The following GSTCD variants were observed in gnomAD, a reference collection of about 807,000 sequenced individuals.
GSTCD encodes glutathione S-transferase C-terminal domain containing.
GSTCD carries 44 observed loss-of-function variants against 68.3 expected under a neutral mutation model. The ratio of observed to expected loss-of-function variants is 0.64; its 90% CI spans 0.51 to 0.83. The LOEUF is 0.83. Among genes scored for constraint, GSTCD ranks in the 40% least tolerant of loss-of-function variants. GSTCD has a pLI of 0.00. For missense variants in GSTCD, 739 were observed against 735.9 expected, an observed-to-expected ratio of 1.00 and a Z score of -0.05; for synonymous variants, 273 against 255.2, an observed-to-expected ratio of 1.07 and a Z score of -0.67.
At chr4:105,819,028 T>C (rs1009682540) in intron 5 of GSTCD, among the ~76,000 whole-genome samples, 1 of 151,734 alleles carries the variant, frequency 6.6e-6, no homozygotes, top group Non-Finnish European at 1.5e-5. Flanking sequence ...AAATTAACAG[T>C]GCTGTCTATT....
intron 5 of GSTCD, among the ~76,000 whole-genome samples, chr4:105,809,031 A>G (rs1722645362): frequency 1.3e-5 from 2 of 152,120 alleles, no homozygotes; most frequent in South Asian, 4.1e-4. Context: ...TATAAAGTGC[A>G]AGCATTAAGT....
chr4:105,725,934 GTGGGAATTGTAAAA>G (rs1295784482), intron 3 of GSTCD, among the ~76,000 whole-genome samples: 1 of 152,112 alleles, frequency 6.6e-6, no homozygotes, highest in African/African-American at 2.4e-5. Flanking sequence ...TGGATTGCTA[GTGGGAATTGTAAAA>G]TGGAAGGGCA....
chr4:105,766,006 A>C (rs541619593), intron 5 of GSTCD, among the ~76,000 whole-genome samples: 7 of 152,336 alleles, frequency 4.6e-5, no homozygotes, highest in South Asian at 2.1e-4. Context: ...AGAACAGATT[A>C]ATACAGTCCC....
At chr4:105,811,348 A>G (rs1722740946) in intron 5 of GSTCD, among the ~76,000 whole-genome samples, 1 of 152,004 alleles carries the variant, frequency 6.6e-6, no homozygotes, top group African/African-American at 2.4e-5. Flanking sequence ...AGTAAACTGC[A>G]TGTTTAAAAC....
intron 7 of GSTCD, 78 bp downstream of exon 7, chr4:105,823,353 C>A: frequency 8.1e-7 from 1 of 1,233,274 alleles, no homozygotes; most frequent in South Asian, 1.2e-5. Flanking sequence ...TTATCCCGCT[C>A]TTGGAGTTTC....
chr4:105,711,205 A>T (rs897045103), intron 1 of GSTCD, among the ~76,000 whole-genome samples: 6 of 151,610 alleles, frequency 4.0e-5, no homozygotes, highest in African/African-American at 1.5e-4. Context: ...AAAATGTTGA[A>T]CATATGATGT....
chr4:105,734,289 C>G (rs906472456), intron 5 of GSTCD, among the ~76,000 whole-genome samples: 5 of 152,200 alleles, frequency 3.3e-5, no homozygotes, highest in African/African-American at 1.2e-4. Context: ...TGTTTTCCAA[C>G]TTGGTTCCAT....
chr4:105,714,104 C>T (rs1230569643), intron 1 of GSTCD, among the ~76,000 whole-genome samples: 2 of 151,698 alleles, frequency 1.3e-5, no homozygotes, highest in Non-Finnish European at 2.9e-5. Context: ...TAGAACATTC[C>T]TGAGTAATGA....
At chr4:105,832,324 A>G (rs1271313492) in intron 8 of GSTCD, among the ~76,000 whole-genome samples, 1 of 152,146 alleles carries the variant, frequency 6.6e-6, no homozygotes, top group Non-Finnish European at 1.5e-5. Context: ...AACAGTGAAA[A>G]CTAGGAGCAT....
At chr4:105,735,209 G>T (rs535378841) in intron 5 of GSTCD, among the ~76,000 whole-genome samples, 2 of 152,260 alleles carry the variant, frequency 1.3e-5, no homozygotes, top group South Asian at 4.1e-4. Flanking sequence ...CTTCAAAGCT[G>T]TACAGGGACA....
intron 5 of GSTCD, among the ~76,000 whole-genome samples, chr4:105,793,880 A>G (rs1214896307): frequency 6.6e-6 from 1 of 152,098 alleles, no homozygotes; most frequent in Non-Finnish European, 1.5e-5. Context: ...TTAAATTATA[A>G]TGTTGTAAAG....
At chr4:105,770,146 C>T (rs1245478748) in intron 5 of GSTCD, among the ~76,000 whole-genome samples, 4 of 152,124 alleles carry the variant, frequency 2.6e-5, no homozygotes, top group Non-Finnish European at 5.9e-5. Flanking sequence ...TTTGAAAGTC[C>T]GTTTTGACTT....
intron 5 of GSTCD, among the ~76,000 whole-genome samples, chr4:105,743,650 A>ATTTT (rs1417717487): frequency 7.2e-6 from 1 of 137,932 alleles, no homozygotes; most frequent in African/African-American, 2.8e-5. Flanking sequence ...AAAACAGGAC[A>ATTTT]TTCTTTTTTT....
In GSTCD at chr4:105,845,803, C is replaced by G. The variant is rs1338753462; in HGVS notation, c.*226C>G. Reference sequence around the variant, plus strand: ...GACTGCTGGTTTTTATAGTGAGAATCCCCTGAAGTCTCAGCTGCCAAAAGA... The same window carrying G: ...GACTGCTGGTTTTTATAGTGAGAATGCCCTGAAGTCTCAGCTGCCAAAAGA... On this transcript the variant is annotated 3_prime_UTR_variant, in exon 12 of 12. Coordinates refer to ENST00000515279, the MANE Select transcript of GSTCD (RefSeq NM_001370181.1). 1 of 502,300 alleles carries G rather than the reference C, an allele frequency of 2.0e-6. No individual in the cohort carries two copies. Among genetic ancestry groups the G allele is most frequent in the Non-Finnish European group, 3.6e-6 (1 of 278,838 alleles). 31.1% of individuals were successfully genotyped at this position (502,300 alleles called of 1,614,324 possible).
intron 5 of GSTCD, among the ~76,000 whole-genome samples, chr4:105,788,891 A>C (rs1244368884): frequency 6.6e-6 from 1 of 151,972 alleles, no homozygotes; most frequent in Non-Finnish European, 1.5e-5. Context: ...CAAATATGTC[A>C]AGTTCTTATA....
At chr4:105,816,216 T>C (rs1722974361) in intron 5 of GSTCD, among the ~76,000 whole-genome samples, 1 of 152,134 alleles carries the variant, frequency 6.6e-6, no homozygotes, top group Non-Finnish European at 1.5e-5. Context: ...GAATTAGATA[T>C]GGAAGGGTGA....
intron 5 of GSTCD, among the ~76,000 whole-genome samples, chr4:105,747,338 G>A (rs981784785): frequency 3.9e-5 from 6 of 152,224 alleles, no homozygotes; most frequent in Non-Finnish European, 7.4e-5. Context: ...GAATCATTTG[G>A]AAGGCTTGTT....
intron 5 of GSTCD, among the ~76,000 whole-genome samples, chr4:105,814,915 G>T: frequency 1.3e-5 from 2 of 152,202 alleles, no homozygotes; most frequent in South Asian, 4.1e-4. Context: ...CTGCCTTTGC[G>T]GTTTATACAG....
At chr4:105,751,406 A>T (rs17036185) in intron 5 of GSTCD, among the ~76,000 whole-genome samples, 1 of 152,208 alleles carries the variant, frequency 6.6e-6, no homozygotes, top group Non-Finnish European at 1.5e-5. Context: ...AGTTTAATAC[A>T]AGGCAAGAGC....
Sources: gnomAD v4.1 joint callset for allele counts (sites outside exome capture counted in the v4.1 genomes callset) on GRCh38, gnomAD v4.1.1 for gene constraint, MANE v1.5 for transcripts, NCBI Gene and HGNC (gene_info 2026-07-23, HGNC 2026-07-21) for gene names.